Variants in EBF1 observed in about 807,000 individuals in gnomAD.
EBF1 encodes the protein transcription factor COE1.
Under a neutral mutation model 68.4 loss-of-function variants are expected in EBF1, and 10 were observed. The ratio of observed to expected loss-of-function variants is 0.15; its 90% CI spans 0.09 to 0.25. EBF1 has a LOEUF of 0.25. Among genes scored for constraint, EBF1 ranks in the 10% least tolerant of loss-of-function variants. EBF1 has a pLI of 1.00. For synonymous variants in EBF1, 298 were observed against 299.8 expected (o/e 0.99, Z 0.06); for missense variants, 509 against 794.4 (o/e 0.64, Z 4.32).
intron 9 of EBF1, among the ~76,000 whole-genome samples, chr5:158,789,669 C>T (rs575070199): frequency 9.9e-5 from 15 of 152,230 alleles, no homozygotes; most frequent in African/African-American, 3.6e-4. Context: ...GTCTCTTTTT[C>T]CTCACAAAAT....
intron 6 of EBF1, among the ~76,000 whole-genome samples, chr5:158,984,399 T>G (rs914992533): frequency 1.1e-4 from 16 of 152,318 alleles, no homozygotes; most frequent in Non-Finnish European, 2.1e-4. Context: ...CTACTTTGCT[T>G]ATTATATAAG....
chr5:158,948,004 T>C (rs1815164630), intron 6 of EBF1, among the ~76,000 whole-genome samples: 1 of 152,228 alleles, frequency 6.6e-6, no homozygotes, highest in Non-Finnish European at 1.5e-5. Flanking sequence ...ACTGAAGAAC[T>C]TGTAATGATC....
chr5:158,954,238 C>T (rs532020227), intron 6 of EBF1, among the ~76,000 whole-genome samples: 2 of 151,470 alleles, frequency 1.3e-5, no homozygotes, highest in Admixed American at 6.6e-5. Flanking sequence ...AGACCCACCG[C>T]GAAGCTAAAG....
chr5:158,960,704 A>G (rs529810231), intron 6 of EBF1, among the ~76,000 whole-genome samples: 4 of 152,328 alleles, frequency 2.6e-5, no homozygotes, highest in South Asian at 4.1e-4. Context: ...GAAGAAGACA[A>G]AAAGTGCAAT....
chr5:159,059,514 G>T (rs1233810839), intron 6 of EBF1, among the ~76,000 whole-genome samples: 2 of 152,154 alleles, frequency 1.3e-5, no homozygotes, highest in East Asian at 1.9e-4. Context: ...ACACCACAAC[G>T]CTAACTCTGC....
intron 10 of EBF1, among the ~76,000 whole-genome samples, chr5:158,758,330 C>A (rs1770604575): frequency 6.6e-6 from 1 of 152,130 alleles, no homozygotes; most frequent in South Asian, 2.1e-4. Flanking sequence ...TTTCAATAAT[C>A]AGCCTGTCTC....
At chr5:158,989,931 AG>A (rs1293079455) in intron 6 of EBF1, among the ~76,000 whole-genome samples, 2 of 152,146 alleles carry the variant, frequency 1.3e-5, no homozygotes, top group African/African-American at 2.4e-5. Flanking sequence ...CAGTCTTGGC[AG>A]GGGGAATAAA....
intron 10 of EBF1, among the ~76,000 whole-genome samples, chr5:158,732,084 C>A (rs1764201047): frequency 6.6e-6 from 1 of 152,196 alleles, no homozygotes; most frequent in Admixed American, 6.5e-5. Context: ...ATAGCCTCCA[C>A]ATCCCTATAT....
At chr5:158,734,112 C>T (rs1321274509) in intron 10 of EBF1, among the ~76,000 whole-genome samples, 1 of 151,982 alleles carries the variant, frequency 6.6e-6, no homozygotes, top group African/African-American at 2.4e-5. Context: ...AGCATGTGTA[C>T]AATATAGTTA....
intron 9 of EBF1, among the ~76,000 whole-genome samples, chr5:158,783,956 A>C (rs1331885861): frequency 6.6e-6 from 1 of 152,204 alleles, no homozygotes; most frequent in South Asian, 2.1e-4. Flanking sequence ...TATGGCCCAC[A>C]TGGTAGGTAA....
intron 6 of EBF1, among the ~76,000 whole-genome samples, chr5:158,904,285 C>T (rs1463349499): frequency 1.3e-5 from 2 of 152,194 alleles, no homozygotes; most frequent in Non-Finnish European, 2.9e-5. Flanking sequence ...TGAGTTGATG[C>T]ACCTGGAGCT....
In EBF1 at chr5:158,708,156, TG is replaced by T; in HGVS notation, c.1566del (p.Thr523ProfsTer30). ...NSPYAIVPSS[P>X]TMASSTSLPS... ...GGGAGGCTTGTGGAGGAGGCCATGG[TG>T]GGGCTGGATGGCACTACTGAGAGGG... is the stretch of plus-strand genomic sequence containing the variant. On this transcript the variant is annotated frameshift_variant, in exon 15 of 16. Transcript: ENST00000313708. LOFTEE classifies it high-confidence loss of function. 6.3e-7 allele frequency: 1 copy of T among 1,581,322 alleles called. No homozygotes were observed. The highest frequency in any genetic ancestry group is 8.6e-7 in the Non-Finnish European group (1 of 1,163,110).
At chr5:159,089,503 GA>G (rs540777566) in intron 4 of EBF1, among the ~76,000 whole-genome samples, 2 of 152,164 alleles carry the variant, frequency 1.3e-5, no homozygotes, top group African/African-American at 4.8e-5. Flanking sequence ...ACAGTAAAAT[GA>G]AAAAATACAC....
chr5:158,817,075 C>T (rs1432679), intron 8 of EBF1, among the ~76,000 whole-genome samples: 67,261 of 151,876 alleles, frequency 0.44, 17,069 homozygotes, highest in South Asian at 0.64. Context: ...AGACCATGGC[C>T]TGACCAGCCC....
chr5:158,867,479 CT>C (rs1207038750), intron 6 of EBF1, among the ~76,000 whole-genome samples: 9 of 152,086 alleles, frequency 5.9e-5, no homozygotes. Flanking sequence ...TTCTTTGCCC[CT>C]GTCAGAGGCA....
intron 6 of EBF1, among the ~76,000 whole-genome samples, chr5:158,964,347 G>GA (rs1753678256): frequency 6.6e-6 from 1 of 152,176 alleles, no homozygotes; most frequent in Non-Finnish European, 1.5e-5. Flanking sequence ...CTTTAAAGCA[G>GA]AAGAGTGATG....
intron 6 of EBF1, among the ~76,000 whole-genome samples, chr5:158,947,221 C>T (rs760137470): frequency 3.4e-4 from 51 of 151,598 alleles, no homozygotes; most frequent in Admixed American, 5.9e-4. Context: ...GCATTCCAGG[C>T]GCCACCAGGG....
At chr5:158,954,062 G>A (rs778571565) in intron 6 of EBF1, among the ~76,000 whole-genome samples, 4 of 152,194 alleles carry the variant, frequency 2.6e-5, no homozygotes, top group Admixed American at 6.5e-5. Flanking sequence ...ACTGAAAGTC[G>A]TATGTGCCTG....
intron 10 of EBF1, among the ~76,000 whole-genome samples, chr5:158,776,436 A>T (rs1468309317): frequency 4.6e-5 from 7 of 152,170 alleles, no homozygotes. Context: ...TCGTCCACTT[A>T]ATTGTATGGT....
Sources: gnomAD v4.1 joint callset for allele counts (sites outside exome capture counted in the v4.1 genomes callset) on GRCh38, gnomAD v4.1.1 for gene constraint, MANE v1.5 for transcripts, NCBI Gene and HGNC (gene_info 2026-07-23, HGNC 2026-07-21) for gene names.